KIF1C: variants seen among roughly 807,000 people sequenced by gnomAD.
KIF1C encodes the protein kinesin family member 1C.
KIF1C carries 61 observed loss-of-function variants against 126.5 expected under a neutral mutation model. The ratio of observed to expected loss-of-function variants is 0.48; its 90% confidence interval spans 0.39 to 0.60. The LOEUF is 0.60. Ranked by LOEUF, KIF1C falls within the 20% of genes least tolerant of loss-of-function variation. The pLI is 0.00. For synonymous variants in KIF1C, 640 were observed against 580.6 expected, an observed-to-expected ratio of 1.10 and a Z score of -1.47; for missense variants, 1,315 against 1,489.2, an observed-to-expected ratio of 0.88 and a Z score of 1.93.
At chr17:5,015,950 AG>A (rs1431053756) in intron 18 of KIF1C, among the ~76,000 whole-genome samples, 3 of 152,006 alleles carry the variant, frequency 2.0e-5, no homozygotes, top group Non-Finnish European at 4.4e-5. Flanking sequence ...AAAAAAAAAT[AG>A]AATGATTTGG....
In KIF1C at chr17:5,023,742, G is replaced by A. The variant is rs763396080; in HGVS notation, c.2903G>A (p.Arg968His). 8 of 1,523,846 alleles carry A rather than the reference G, an allele frequency of 5.2e-6. No homozygotes were observed. Among genetic ancestry groups the A allele is most frequent in the South Asian group, 3.9e-5 (3 of 76,522 alleles). The allele number at this position is 1,523,846 out of a possible 1,614,324, so 94.4% of individuals were successfully genotyped here. A position where few individuals can be genotyped will look rare whatever the true frequency, so the allele number is the denominator to read the frequency against. The change falls in exon 23 of 23, where the codon CGC becomes CAC. Residue 968 changes from arginine (R) to histidine (H), a missense_variant. Physicochemically the swap from Arg to His is conservative, Grantham distance 29. Around this residue, in one of 2 missense-constraint regions of KIF1C, gnomAD observed 441 missense variants for 436.1 expected, o/e 1.01. Coordinates refer to ENST00000320785, the MANE Select transcript of KIF1C (RefSeq NM_006612.6). The surrounding 1 kb of genome is among the most constrained non-coding windows in gnomAD (Gnocchi z 4.2). ...GGGGGGCTGCGCAGGCCCCCAGCCC[G>A]CTTTGTGCCCCCTCACGACTGCAAG... Reference protein sequence around the residue: ...RGGGLRRPPARFVPPHDCKLR... With the variant: ...RGGGLRRPPAHFVPPHDCKLR...
intron 6 of KIF1C, 86 bp downstream of exon 6, chr17:5,002,210 C>T (rs1035587214): frequency 7.8e-7 from 1 of 1,274,426 alleles, no homozygotes; most frequent in South Asian, 1.2e-5. Context: ...GGATCTAATC[C>T]TGGCTCTGCT....
intron 10 of KIF1C, 31 bp from the exon 11 acceptor site, chr17:5,003,967 C>T (rs1227456912): frequency 6.2e-7 from 1 of 1,611,326 alleles, no homozygotes; most frequent in Non-Finnish European, 8.5e-7. Flanking sequence ...GAGTGACCCA[C>T]CCTAACCTCC....
At chr17:5,007,691 A>G (rs1367753538) in intron 16 of KIF1C, 149 bp downstream of exon 16, 3 of 540,138 alleles carry the variant, frequency 5.6e-6, no homozygotes, top group African/African-American at 1.9e-5. Flanking sequence ...CTCCCCTGCC[A>G]CCTCCTCTCC....
chr17:5,008,149 C>T (rs112881720), intron 16 of KIF1C, among the ~76,000 whole-genome samples: 14 of 152,242 alleles, frequency 9.2e-5, no homozygotes, highest in Admixed American at 7.2e-4. Context: ...GTGCCTGACA[C>T]GTGCCTGCCG....
intron 16 of KIF1C, 22 bp downstream of exon 16, chr17:5,007,564 G>T (rs1974764489): frequency 1.5e-5 from 23 of 1,519,626 alleles, no homozygotes; most frequent in Non-Finnish European, 2.0e-5. Context: ...ATCGAGCGAG[G>T]AGGCCTAGAG....
At chr17:5,000,119 TGGGGG>T in intron 2 of KIF1C, 96 bp from the exon 3 acceptor site, 1 of 664,958 alleles carries the variant, frequency 1.5e-6, no homozygotes, top group South Asian at 1.8e-5. Flanking sequence ...TGGGTGGCTC[TGGGGG>T]AGATGTGAAG....
In KIF1C at chr17:5,002,860, C is replaced by CG; in HGVS notation, c.720+18_720+19insG. On this transcript the variant is annotated intron_variant, in intron 8 of 22. Transcript: ENST00000320785. ...CGGAGAAGGTGGGATCGCCCCCCCCCCCACTCCCCCACCGGATGCAACCTC... is the reference window on the plus strand; with the variant it reads ...CGGAGAAGGTGGGATCGCCCCCCCCCGCCACTCCCCCACCGGATGCAACCTC... 1 of 1,575,742 alleles carries CG rather than the reference C, an allele frequency of 6.3e-7. No homozygotes were observed. The highest frequency in any genetic ancestry group is 8.7e-7 in the Non-Finnish European group (1 of 1,150,004).
Position 5,020,196 on chromosome 17 carries a change from C to A in KIF1C, c.1750+117C>A. The A allele has an allele frequency of 2.5e-6, 2 of 811,174 alleles. No homozygotes were observed. Among genetic ancestry groups the A allele is most frequent in the Non-Finnish European group, 4.2e-6 (2 of 477,086 alleles). The allele number at this position is 811,174 out of a possible 1,614,324, so 50.2% of individuals were successfully genotyped here. A position where few individuals can be genotyped will look rare whatever the true frequency, so the allele number is the denominator to read the frequency against. On this transcript the variant is annotated intron_variant, in intron 19 of 22. Coordinates refer to ENST00000320785, the MANE Select transcript of KIF1C (RefSeq NM_006612.6). The surrounding 1 kb of genome is among the most constrained non-coding windows in gnomAD (Gnocchi z 5.8). ...ACCCTGAAATACATCAGAAATAGCACGGGGATATAAAGAAGGAACTGGGAA... is the reference window on the plus strand; with the variant it reads ...ACCCTGAAATACATCAGAAATAGCAAGGGGATATAAAGAAGGAACTGGGAA...
intron 15 of KIF1C, 42 bp from the exon 16 acceptor site, chr17:5,007,425 C>G: frequency 6.2e-7 from 1 of 1,610,794 alleles, no homozygotes; most frequent in Non-Finnish European, 8.5e-7. Context: ...AGGTCACGGG[C>G]AGTGAAGGTA....
Position 5,023,791 on chromosome 17 carries a change from C to A in KIF1C, c.2952C>A (p.Asn984Lys), listed in dbSNP as rs750130519. Residue 984 changes from asparagine (N) to lysine (K), a missense_variant, in exon 23 of 23, where the codon AAC becomes AAA. Coordinates refer to ENST00000320785, the MANE Select transcript of KIF1C (RefSeq NM_006612.6). This position sits in a 1 kb window ranked among gnomAD's most constrained non-coding sequence, Gnocchi z 4.2. ...AGCTACGCTTCCCCTTCAAGAGCAA[C>A]CCCCAGCACCGGGAGTCTTGGCCAG... ...DCKLRFPFKS[N>K]PQHRESWPGM... 28 of 1,519,312 alleles carry A rather than the reference C, an allele frequency of 1.8e-5. No homozygotes were observed. Among genetic ancestry groups the A allele is most frequent in the Non-Finnish European group, 2.5e-5 (28 of 1,135,870 alleles). 94.1% of individuals were successfully genotyped at this position (1,519,312 alleles called of 1,614,324 possible). A position where few individuals can be genotyped will look rare whatever the true frequency, so the allele number is the denominator to read the frequency against.
chr17:5,004,415 G>A (rs769523901), intron 11 of KIF1C, 152 bp from the exon 12 acceptor site: 14 of 716,696 alleles, frequency 2.0e-5, no homozygotes, highest in Non-Finnish European at 3.2e-5. Flanking sequence ...ATAACCAGAT[G>A]TCATGGTTAG....
intron 21 of KIF1C, among the ~76,000 whole-genome samples, chr17:5,021,760 G>T (rs1975095115): frequency 6.6e-6 from 1 of 152,050 alleles, no homozygotes; most frequent in East Asian, 1.9e-4. Flanking sequence ...GGGATTGCAG[G>T]CACGAGCCAC....
rs766847102 is a variant in KIF1C at position 5,002,112 on chromosome 17, C to T, written c.417C>T (p.Ser139=). The change falls in exon 6 of 23, where the codon TCC becomes TCT. Residue 139 remains serine, a synonymous_variant. Transcript: ENST00000320785. ...GTGAGAACCAGAGTGCTCAGCTATC[C>T]TACTCTGTGGAGGTAAGCCCGGGTC... The part of the protein sequence containing the change: ...RVSENQSAQL[S]YSVEVSYMEI... 4 of 1,614,016 alleles carry T rather than the reference C, an allele frequency of 2.5e-6. No individual in the cohort carries two copies. The highest frequency in any genetic ancestry group is 1.1e-5 in the South Asian group (1 of 91,054).
At position 5,020,685 on chromosome 17, in the gene KIF1C, G is replaced by C. The variant is rs1308683330; in HGVS notation, c.1937+7G>C. ...AGCTGGAAATGGAGAAGAGGTGCGA[G>C]GGGGTTACCCACGTGCCCCATGGCC... On this transcript the variant is annotated splice_region_variant and intron_variant, in intron 20 of 22. Transcript: ENST00000320785. The surrounding 1 kb of genome is among the most constrained non-coding windows in gnomAD (Gnocchi z 5.8). 6.2e-7 allele frequency: 1 copy of C among 1,613,114 alleles called. No homozygotes were observed. The highest frequency in any genetic ancestry group is 8.5e-7 in the Non-Finnish European group (1 of 1,179,192).
chr17:5,000,281 T>G lies in KIF1C; in HGVS notation c.35T>G (p.Val12Gly). The G allele has an allele frequency of 1.3e-6, 2 of 1,583,020 alleles. No homozygotes were observed. The highest frequency in any genetic ancestry group is 4.7e-5 in the East Asian group (2 of 42,632). ...AGASVKVAVR[V>G]RPFNARETSQ... ...GCCTCGGTGAAAGTGGCAGTGAGGG[T>G]TCGGCCCTTTAACGCCCGTGAGACC... Residue 12 changes from valine to glycine, a missense_variant, in exon 3 of 23, where the codon GTT (valine) becomes GGT (glycine). Transcript: ENST00000320785.
At chr17:5,014,710 C>T in intron 17 of KIF1C, 33 bp from the exon 18 acceptor site, 1 of 1,508,252 alleles carries the variant, frequency 6.6e-7, no homozygotes, top group Non-Finnish European at 9.1e-7. Context: ...AAGTCTGGCA[C>T]ATGCTCACAA....
rs1418256103 is a variant in KIF1C at position 5,004,563 on chromosome 17, A to G, written c.941-4A>G. The G allele has an allele frequency of 3.1e-6, 5 of 1,613,794 alleles. No individual in the cohort carries two copies. The South Asian group carries it at 4.4e-5, about 14-fold the overall frequency. On this transcript the variant is annotated splice_region_variant and splice_polypyrimidine_tract_variant and intron_variant, in intron 11 of 22. Coordinates refer to ENST00000320785, the MANE Select transcript of KIF1C (RefSeq NM_006612.6). ...TGAAGCTTTTCCATGCACTCCATTC[A>G]CAGGGGGGAACTCACGCACAGCCAT...
intron 6 of KIF1C, 130 bp downstream of exon 6, chr17:5,002,254 G>A: frequency 1.0e-6 from 1 of 1,003,110 alleles, no homozygotes; most frequent in Non-Finnish European, 1.6e-6. Context: ...CAGTGATTCT[G>A]TCCTTCAGCT....
Sources: gnomAD v4.1 joint callset for allele counts (sites outside exome capture counted in the v4.1 genomes callset) on GRCh38, gnomAD v4.1.1 for gene constraint, gnomAD v4.1.1 regional missense constraint, Gnocchi (gnomAD v3.1) non-coding constraint, MANE v1.5 for transcripts, NCBI Gene and HGNC (gene_info 2026-07-23, HGNC 2026-07-21) for gene names.